RNF150: variants seen among roughly 807,000 people sequenced by gnomAD.
The protein encoded by RNF150 is ring finger protein 150.
Under a neutral mutation model 39.3 loss-of-function variants are expected in RNF150, and 24 were observed. That is an observed-to-expected ratio of 0.61 (90% CI 0.44 to 0.86). RNF150 has a LOEUF of 0.86. Among genes scored for constraint, RNF150 ranks in the 40% least tolerant of loss-of-function variants. RNF150 has a pLI of 0.00. For missense variants in RNF150, 502 were observed against 587.8 expected (o/e 0.85, Z 1.51); for synonymous variants, 255 against 227.3 (o/e 1.12, Z -1.10).
At chr4:140,904,904 A>G in intron 6 of RNF150, among the ~76,000 whole-genome samples, 1 of 152,374 alleles carries the variant, frequency 6.6e-6, no homozygotes, top group Non-Finnish European at 1.5e-5. Context: ...AAATATAAGA[A>G]TAAATGTCAT....
intron 1 of RNF150, among the ~76,000 whole-genome samples, chr4:141,017,174 G>A (rs909010916): frequency 6.6e-6 from 1 of 151,960 alleles, no homozygotes. Context: ...TGTTATTCAA[G>A]CCCCTCAGGC....
chr4:140,981,075 T>C (rs186634242), intron 1 of RNF150, among the ~76,000 whole-genome samples: 69 of 152,280 alleles, frequency 4.5e-4, no homozygotes, highest in African/African-American at 1.4e-3. Flanking sequence ...TTAAGGCCAA[T>C]TAAAGTTTAC....
At chr4:141,082,938 C>T (rs893026646) in intron 1 of RNF150, among the ~76,000 whole-genome samples, 1 of 152,144 alleles carries the variant, frequency 6.6e-6, no homozygotes, top group African/African-American at 2.4e-5. Context: ...TGAAGGGACT[C>T]TACATTTAAA....
chr4:141,049,745 T>C (rs979921981), intron 1 of RNF150, among the ~76,000 whole-genome samples: 1 of 152,042 alleles, frequency 6.6e-6, no homozygotes, highest in African/African-American at 2.4e-5. Flanking sequence ...TGTAAATTCA[T>C]CTATGGATAT....
intron 1 of RNF150, among the ~76,000 whole-genome samples, chr4:140,981,598 C>T (rs1341438881): frequency 6.6e-6 from 1 of 152,058 alleles, no homozygotes; most frequent in Non-Finnish European, 1.5e-5. Context: ...ACCATCGATA[C>T]AGAGAAAAAA....
intron 1 of RNF150, among the ~76,000 whole-genome samples, chr4:141,010,141 A>G (rs1735023411): frequency 6.6e-6 from 1 of 152,268 alleles, no homozygotes; most frequent in African/African-American, 2.4e-5. Context: ...CAATACTGGC[A>G]TGAAAATACT....
At chr4:140,953,821 AAAC>A (rs1474751046) in intron 2 of RNF150, among the ~76,000 whole-genome samples, 4 of 152,212 alleles carry the variant, frequency 2.6e-5, no homozygotes, top group Non-Finnish European at 5.9e-5. Flanking sequence ...AGATAAGTAA[AAAC>A]ATAAACATTC....
chr4:141,108,204 G>A (rs1370828988), intron 1 of RNF150, among the ~76,000 whole-genome samples: 1 of 152,120 alleles, frequency 6.6e-6, no homozygotes, highest in Non-Finnish European at 1.5e-5. Context: ...TACAACTATT[G>A]GGGTAGACCG....
chr4:140,936,094 T>C (rs1731855104), intron 4 of RNF150, among the ~76,000 whole-genome samples: 1 of 152,260 alleles, frequency 6.6e-6, no homozygotes, highest in Non-Finnish European at 1.5e-5. Flanking sequence ...GATTCATCTG[T>C]GCCTTGGTGT....
At chr4:141,075,873 C>T (rs1476065169) in intron 1 of RNF150, among the ~76,000 whole-genome samples, 3 of 152,066 alleles carry the variant, frequency 2.0e-5, no homozygotes, top group Non-Finnish European at 4.4e-5. Flanking sequence ...GTGACAGGTG[C>T]ACCAAAGTCT....
Position 140,973,843 on chromosome 4 carries a change from C to T in RNF150, c.485-5970G>A, listed in dbSNP as rs190051294. ...AGTGAGCCAAGATCACACCACTGCA[C>T]TCTAGCCTGGGTGACAAGTGAGACT... On this transcript the variant is annotated intron_variant, in intron 1 of 6. Transcript: ENST00000515673. 4.5e-4 allele frequency among the ~76,000 whole-genome samples: 64 copies of T among 141,780 alleles called. No individual in the cohort carries two copies. The East Asian group carries it at 7.6e-3, about 17-fold the overall frequency. 93.0% of individuals were successfully genotyped at this position (141,780 alleles called of 152,430 possible).
intron 1 of RNF150, among the ~76,000 whole-genome samples, chr4:141,158,462 CA>C (rs5862513): frequency 0.96 from 136,875 of 142,708 alleles, 65,722 homozygotes; most frequent in South Asian, 0.99. Context: ...GTCACTCTTT[CA>C]AAAAAAAAAA....
intron 6 of RNF150, among the ~76,000 whole-genome samples, chr4:140,895,137 TCTC>T (rs1560952253): frequency 6.6e-6 from 1 of 152,072 alleles, no homozygotes; most frequent in East Asian, 1.9e-4. Context: ...TAAGAGAAAA[TCTC>T]CTGGAGAGGG....
chr4:141,172,385 C>G (rs1911516), intron 1 of RNF150, among the ~76,000 whole-genome samples: 1 of 152,122 alleles, frequency 6.6e-6, no homozygotes, highest in Non-Finnish European at 1.5e-5. Flanking sequence ...CAGGGCAGTG[C>G]GCTCTTCACA....
intron 1 of RNF150, among the ~76,000 whole-genome samples, chr4:141,166,807 G>A (rs984511232): frequency 7.9e-5 from 12 of 152,072 alleles, no homozygotes; most frequent in African/African-American, 2.7e-4. Flanking sequence ...AATAAGGAAA[G>A]CTATTTATGA....
At position 140,866,795 on chromosome 4, in the gene RNF150, C is replaced by T. The variant is rs528335426; in HGVS notation, c.*1466G>A. Reference sequence around the variant, plus strand: ...CCAGCTGTGTAGAGATAAGGTGATCCGTCTGATTGTTCAGAGACGCTATCA... The same window carrying T: ...CCAGCTGTGTAGAGATAAGGTGATCTGTCTGATTGTTCAGAGACGCTATCA... On this transcript the variant is annotated 3_prime_UTR_variant, in exon 7 of 7. Coordinates refer to ENST00000515673, the MANE Select transcript of RNF150 (RefSeq NM_020724.2). 5.1e-4 allele frequency: 78 copies of T among 152,246 alleles called. No individual in the cohort carries two copies. The highest frequency in any genetic ancestry group is 1.8e-3 in the African/African-American group (74 of 41,542). The allele number at this position is 152,246 out of a possible 1,614,324, so 9.4% of individuals were successfully genotyped here.
intron 2 of RNF150, among the ~76,000 whole-genome samples, chr4:140,949,921 T>C (rs370213482): frequency 9.9e-5 from 15 of 152,194 alleles, no homozygotes; most frequent in African/African-American, 3.1e-4. Flanking sequence ...CATGTTTAAG[T>C]GTGAGTGTGC....
chr4:141,102,980 T>C (rs1454089074), intron 1 of RNF150, among the ~76,000 whole-genome samples: 2 of 152,160 alleles, frequency 1.3e-5, no homozygotes, highest in Admixed American at 1.3e-4. Context: ...CATATACTCA[T>C]GCACTTCCAT....
chr4:140,886,926 C>T (rs1454857434), intron 6 of RNF150, among the ~76,000 whole-genome samples: 3 of 152,188 alleles, frequency 2.0e-5, no homozygotes, highest in Non-Finnish European at 2.9e-5. Context: ...AACTTTTATA[C>T]TTTTAGCTTT....
Sources: gnomAD v4.1 joint callset for allele counts (sites outside exome capture counted in the v4.1 genomes callset) on GRCh38, gnomAD v4.1.1 for gene constraint, MANE v1.5 for transcripts, NCBI Gene and HGNC (gene_info 2026-07-23, HGNC 2026-07-21) for gene names.